AMPH: variants seen among roughly 807,000 people sequenced by gnomAD.
AMPH encodes the protein amphiphysin (Stiff-Mann syndrome with breast cancer 128kD autoantigen).
AMPH carries 49 observed loss-of-function variants against 99.1 expected under a neutral mutation model. The observed-to-expected ratio is 0.49, with a 90% CI of 0.39 to 0.63. The LOEUF (loss-of-function observed/expected upper bound fraction) is 0.63, where lower values mean the gene tolerates loss of function less well. AMPH is among the 20% of genes least tolerant of loss of function. The pLI is 0.00. For missense variants in AMPH, 759 were observed against 863.4 expected, an observed-to-expected ratio of 0.88 and a Z score of 1.52; for synonymous variants, 314 against 317.3, an observed-to-expected ratio of 0.99 and a Z score of 0.11.
At chr7:38,472,882 A>G (rs1174061463) in intron 7 of AMPH, among the ~76,000 whole-genome samples, 3 of 152,206 alleles carry the variant, frequency 2.0e-5, no homozygotes, top group South Asian at 2.1e-4. Context: ...AAGTCCCTAC[A>G]AAGTCTTTCA....
intron 1 of AMPH, among the ~76,000 whole-genome samples, chr7:38,588,245 G>T (rs777766678): frequency 6.6e-6 from 1 of 152,004 alleles, no homozygotes; most frequent in Non-Finnish European, 1.5e-5. Context: ...GAGCTACCAC[G>T]CCTGGCCTTA....
At chr7:38,414,649 G>A (rs376327114) in intron 17 of AMPH, among the ~76,000 whole-genome samples, 33 of 151,320 alleles carry the variant, frequency 2.2e-4, no homozygotes, top group African/African-American at 6.1e-4. Context: ...ATATTGAAAC[G>A]AATATTGAAA....
chr7:38,439,604 A>T (rs932693714), intron 11 of AMPH, among the ~76,000 whole-genome samples: 1 of 152,220 alleles, frequency 6.6e-6, no homozygotes, highest in Non-Finnish European at 1.5e-5. Flanking sequence ...CATCACAATT[A>T]GAGTACACAT....
At chr7:38,525,009 G>A (rs1441775355) in intron 2 of AMPH, among the ~76,000 whole-genome samples, 1 of 151,914 alleles carries the variant, frequency 6.6e-6, no homozygotes, top group Non-Finnish European at 1.5e-5. Context: ...GCCTTCAAGT[G>A]TGTTTGTTCT....
At chr7:38,450,051 G>A (rs2284254) in intron 11 of AMPH, among the ~76,000 whole-genome samples, 15,848 of 152,076 alleles carry the variant, frequency 0.1, 1,436 homozygotes, top group East Asian at 0.35. Context: ...GAGACATAAG[G>A]GTAGAAAAGC....
chr7:38,572,087 T>C (rs1197098298), intron 1 of AMPH, among the ~76,000 whole-genome samples: 3 of 152,074 alleles, frequency 2.0e-5, no homozygotes, highest in African/African-American at 7.2e-5. Flanking sequence ...GTATTTTTAG[T>C]AGAGACGGGG....
intron 1 of AMPH, among the ~76,000 whole-genome samples, chr7:38,619,952 A>T (rs1212149328): frequency 6.6e-6 from 1 of 152,240 alleles, no homozygotes; most frequent in Non-Finnish European, 1.5e-5. Flanking sequence ...AAAGAATTAC[A>T]GAGTAATTAC....
intron 5 of AMPH, among the ~76,000 whole-genome samples, chr7:38,478,588 A>G (rs1788172847): frequency 6.6e-6 from 1 of 152,158 alleles, no homozygotes; most frequent in Admixed American, 6.5e-5. Context: ...CAAAAAAACA[A>G]CAATCCATGA....
At chr7:38,611,219 A>T (rs1274969258) in intron 1 of AMPH, among the ~76,000 whole-genome samples, 1 of 152,220 alleles carries the variant, frequency 6.6e-6, no homozygotes, top group Non-Finnish European at 1.5e-5. Flanking sequence ...AGAAAGACAG[A>T]TACAGCATAA....
intron 1 of AMPH, among the ~76,000 whole-genome samples, chr7:38,595,491 G>A (rs1056044807): frequency 1.3e-5 from 2 of 152,202 alleles, no homozygotes; most frequent in Non-Finnish European, 2.9e-5. Context: ...AGAGGTTGTG[G>A]AGAAGTGCAA....
At chr7:38,412,049 T>C (rs1292317735) in intron 17 of AMPH, among the ~76,000 whole-genome samples, 1 of 152,132 alleles carries the variant, frequency 6.6e-6, no homozygotes, top group Non-Finnish European at 1.5e-5. Flanking sequence ...GATAAATCCA[T>C]AGCACATTGG....
chr7:38,466,280 A>T, intron 7 of AMPH, 32 bp from the exon 8 acceptor site: 1 of 1,518,092 alleles, frequency 6.6e-7, no homozygotes, highest in African/African-American at 1.4e-5. Context: ...AGGAAAGAAG[A>T]GAGAGGGAAA....
intron 14 of AMPH, chr7:38,428,415 G>A (rs1431195577): frequency 4.4e-6 from 2 of 456,646 alleles, no homozygotes; most frequent in South Asian, 3.1e-5. Context: ...TCTTCCCAGA[G>A]AATAATTAAG....
At chr7:38,398,849 CAT>C (rs1389900776) in intron 17 of AMPH, among the ~76,000 whole-genome samples, 1 of 151,602 alleles carries the variant, frequency 6.6e-6, no homozygotes, top group Non-Finnish European at 1.5e-5. Context: ...TAAAAATAAA[CAT>C]AAAATAAAAT....
intron 3 of AMPH, among the ~76,000 whole-genome samples, chr7:38,503,207 C>G (rs1789203612): frequency 6.6e-6 from 1 of 152,206 alleles, no homozygotes; most frequent in Admixed American, 6.5e-5. Flanking sequence ...CAAAGCCAGT[C>G]CAGGGCCATG....
chr7:38,532,316 G>T (rs1320799612), intron 2 of AMPH, among the ~76,000 whole-genome samples: 1 of 152,080 alleles, frequency 6.6e-6, no homozygotes, highest in Admixed American at 6.5e-5. Flanking sequence ...ATAGGAAAAT[G>T]CTAGATATTT....
chr7:38,537,760 C>G (rs1020188356), intron 1 of AMPH, among the ~76,000 whole-genome samples: 1 of 152,192 alleles, frequency 6.6e-6, no homozygotes, highest in African/African-American at 2.4e-5. Flanking sequence ...AACTTAACAG[C>G]TATCAGGAAA....
chr7:38,618,025 G>A (rs2129069233), intron 1 of AMPH, among the ~76,000 whole-genome samples: 1 of 152,208 alleles, frequency 6.6e-6, no homozygotes, highest in Non-Finnish European at 1.5e-5. Flanking sequence ...AAATGTGTTA[G>A]TAACACTGGA....
At chr7:38,619,459 C>A (rs773140873) in intron 1 of AMPH, among the ~76,000 whole-genome samples, 2 of 152,092 alleles carry the variant, frequency 1.3e-5, no homozygotes, top group Non-Finnish European at 2.9e-5. Context: ...ACTGAAGACT[C>A]CAATACCTTA....
Sources: allele counts gnomAD v4.1 joint callset (sites outside exome capture counted in the v4.1 genomes callset), GRCh38; gene constraint gnomAD v4.1.1; transcripts MANE v1.5; gene names NCBI Gene and HGNC (gene_info 2026-07-23, HGNC 2026-07-21).